The following RAB6B variants were observed in gnomAD, a reference collection of about 807,000 sequenced individuals.
RAB6B encodes the protein RAB6B, member RAS oncogene family, also known as ras-related protein Rab-6B.
Under a neutral mutation model 31.2 loss-of-function variants are expected in RAB6B, and 7 were observed. That is an observed-to-expected ratio of 0.22 (90% CI 0.13 to 0.42). The LOEUF (loss-of-function observed/expected upper bound fraction) is 0.42, where lower values mean the gene tolerates loss of function less well. Among genes scored for constraint, RAB6B ranks in the 10% least tolerant of loss-of-function variants. The pLI is 1.00. For missense variants in RAB6B, 149 were observed against 280.6 expected, an observed-to-expected ratio of 0.53 and a Z score of 3.35; for synonymous variants, 105 against 104.9, an observed-to-expected ratio of 1.00 and a Z score of -0.01.
intron 6 of RAB6B, 92 bp from the exon 7 acceptor site, chr3:133,834,733 C>A: frequency 8.3e-7 from 1 of 1,201,226 alleles, no homozygotes; most frequent in Non-Finnish European, 1.2e-6. Flanking sequence ...CTTCCCCTCC[C>A]AACCTGCAGC....
intron 6 of RAB6B, among the ~76,000 whole-genome samples, chr3:133,837,195 C>T (rs1414567381): frequency 1.3e-5 from 2 of 152,128 alleles, no homozygotes; most frequent in East Asian, 1.9e-4. Flanking sequence ...TTAACCCTTC[C>T]GTGAGCCAAG....
intron 1 of RAB6B, among the ~76,000 whole-genome samples, chr3:133,891,077 G>A (rs930794266): frequency 1.3e-5 from 2 of 152,190 alleles, no homozygotes; most frequent in African/African-American, 4.8e-5. Context: ...CTACCAGGCT[G>A]ATGAAGGGCT....
intron 2 of RAB6B, among the ~76,000 whole-genome samples, chr3:133,850,165 A>G (rs1386329357): frequency 1.3e-5 from 2 of 152,192 alleles, no homozygotes; most frequent in African/African-American, 4.8e-5. Context: ...AAAAAATCTG[A>G]ACATAACTTT....
rs548254223 is a variant in RAB6B, at chr3:133,895,622, C to T, written c.-156G>A. On this transcript the variant is annotated 5_prime_UTR_variant, in exon 1 of 8. Transcript: ENST00000285208. ...CCTGACTCCCCAGCTGCGTCCCGGT[C>T]CCGGCCTGCGGCTGCGTGTCCGGCG... is the stretch of plus-strand genomic sequence containing the variant. The T allele has an allele frequency of 1.3e-4, 90 of 677,626 alleles. No homozygotes were observed. In the East Asian group the frequency reaches 2.5e-3, roughly 19 times the overall value. 42.0% of individuals were successfully genotyped at this position (677,626 alleles called of 1,614,324 possible).
chr3:133,847,629 G>A (rs989409903), intron 2 of RAB6B, among the ~76,000 whole-genome samples: 1 of 152,158 alleles, frequency 6.6e-6, no homozygotes, highest in Non-Finnish European at 1.5e-5. Flanking sequence ...CTTGGAAAAG[G>A]ACTTCAAACC....
chr3:133,864,953 G>T (rs1179525796), intron 1 of RAB6B, among the ~76,000 whole-genome samples: 1 of 152,220 alleles, frequency 6.6e-6, no homozygotes, highest in Non-Finnish European at 1.5e-5. Flanking sequence ...CCCAGCTGAT[G>T]CAAGAACCAT....
intron 1 of RAB6B, chr3:133,885,749 A>G: frequency 3.2e-6 from 2 of 621,980 alleles, no homozygotes; most frequent in Non-Finnish European, 5.8e-6. Context: ...GAGAGAGACA[A>G]TAGTCCCTCC....
At chr3:133,847,725 T>C (rs1935924548) in intron 2 of RAB6B, among the ~76,000 whole-genome samples, 1 of 152,206 alleles carries the variant, frequency 6.6e-6, no homozygotes, top group South Asian at 2.1e-4. Flanking sequence ...CTTGCTATGG[T>C]CACCAATAGC....
chr3:133,885,787 C>G (rs914018904), intron 1 of RAB6B: 2 of 594,498 alleles, frequency 3.4e-6, no homozygotes, highest in Admixed American at 5.9e-5. Context: ...TTCCTGAGGC[C>G]TCATTCTAAG....
intron 2 of RAB6B, among the ~76,000 whole-genome samples, chr3:133,847,883 T>A (rs1357561423): frequency 6.6e-6 from 1 of 152,204 alleles, no homozygotes; most frequent in Non-Finnish European, 1.5e-5. Context: ...CTAATTGCGG[T>A]TCCTTATTGT....
At chr3:133,866,884 A>C (rs183626249) in intron 1 of RAB6B, among the ~76,000 whole-genome samples, 41 of 152,376 alleles carry the variant, frequency 2.7e-4, no homozygotes, top group African/African-American at 9.9e-4. Context: ...TCACTTCCCT[A>C]GGCAGCGACG....
At chr3:133,889,570 G>A (rs1043132202) in intron 1 of RAB6B, among the ~76,000 whole-genome samples, 4 of 151,582 alleles carry the variant, frequency 2.6e-5, no homozygotes, top group African/African-American at 7.3e-5. Context: ...AAGTAGCTGG[G>A]ATTATAGGCA....
At chr3:133,835,246 G>C (rs1935716230) in intron 6 of RAB6B, among the ~76,000 whole-genome samples, 2 of 152,150 alleles carry the variant, frequency 1.3e-5, no homozygotes, top group South Asian at 4.1e-4. Flanking sequence ...AGGAGTGTGT[G>C]TACAGTGTAT....
intron 1 of RAB6B, among the ~76,000 whole-genome samples, chr3:133,867,896 C>A (rs1401261348): frequency 6.6e-6 from 1 of 152,202 alleles, no homozygotes; most frequent in Admixed American, 6.5e-5. Context: ...TTTCTCATTT[C>A]TCGGAGCTGA....
chr3:133,874,015 T>C (rs1400704909), intron 1 of RAB6B, among the ~76,000 whole-genome samples: 1 of 152,164 alleles, frequency 6.6e-6, no homozygotes, highest in Non-Finnish European at 1.5e-5. Context: ...TGTCTTTACG[T>C]TGAATAGGCT....
intron 6 of RAB6B, 27 bp downstream of exon 6, chr3:133,838,128 GGGCCCCGTGCC>G: frequency 1.0e-5 from 3 of 286,148 alleles, no homozygotes; most frequent in Non-Finnish European, 1.7e-5. Context: ...ACACCGTGCC[GGGCCCCGTGCC>G]GGGCCCCGTG....
intron 2 of RAB6B, among the ~76,000 whole-genome samples, chr3:133,854,900 A>G (rs1451153511): frequency 6.6e-6 from 1 of 152,242 alleles, no homozygotes; most frequent in Non-Finnish European, 1.5e-5. Flanking sequence ...CATTCTGACA[A>G]GACACAGTAA....
At chr3:133,841,759 G>A (rs969568966) in intron 2 of RAB6B, 96 bp from the exon 3 acceptor site, 4 of 1,256,436 alleles carry the variant, frequency 3.2e-6, no homozygotes, top group African/African-American at 1.5e-5. Context: ...CCAGCAAGAG[G>A]GGACGCTCAT....
At position 133,827,416 on chromosome 3, in the gene RAB6B, T is replaced by C; in HGVS notation, c.*1372A>G. The C allele has an allele frequency of 6.5e-6, 1 of 154,410 alleles. No individual in the cohort carries two copies. The allele number at this position is 154,410 out of a possible 1,614,324, so 9.6% of individuals were successfully genotyped here. Reference sequence around the variant, plus strand: ...GAGTCTATTTGGAATGCTGGCCAAGTAGGTTATATCACTTAGTGGGAAGAG... The same window carrying C: ...GAGTCTATTTGGAATGCTGGCCAAGCAGGTTATATCACTTAGTGGGAAGAG... On this transcript the variant is annotated 3_prime_UTR_variant, in exon 8 of 8. Coordinates refer to ENST00000285208, the MANE Select transcript of RAB6B (RefSeq NM_016577.4).
Sources: gnomAD v4.1 joint callset for allele counts (sites outside exome capture counted in the v4.1 genomes callset) on GRCh38, gnomAD v4.1.1 for gene constraint, MANE v1.5 for transcripts, NCBI Gene and HGNC (gene_info 2026-07-23, HGNC 2026-07-21) for gene names.